EPC2: variants seen among roughly 807,000 people sequenced by gnomAD.
EPC2 encodes the protein enhancer of polycomb homolog 2.
In EPC2, 14 loss-of-function variants were observed where a neutral mutation model predicts 92.1. The observed-to-expected ratio is 0.15, with a 90% CI of 0.10 to 0.24. The LOEUF is 0.24. EPC2 is among the 10% of genes least tolerant of loss of function. The probability of loss-of-function intolerance (pLI) is 1.00; values close to 1 mark genes in which losing one functional copy is unlikely to be tolerated. For synonymous variants in EPC2, 340 were observed against 334.7 expected, an observed-to-expected ratio of 1.02 and a Z score of -0.17; for missense variants, 755 against 971.5, an observed-to-expected ratio of 0.78 and a Z score of 2.96.
Position 148,743,695 on chromosome 2 carries a change from C to G in EPC2, c.387C>G (p.Asn129Lys), listed in dbSNP as rs746682439. 6.2e-7 allele frequency: 1 copy of G among 1,605,184 alleles called. No homozygotes were observed. The highest frequency in any genetic ancestry group is 8.5e-7 in the Non-Finnish European group (1 of 1,176,166). ...ATGAGACTTTATTAAATAGACTTAA[C>G]AGAAAGATGGAAATTAAGCCTTTGC... is the stretch of plus-strand genomic sequence containing the variant. ...SEDETLLNRL[N>K]RKMEIKPLQF... Residue 129 changes from asparagine (N) to lysine (K), a missense_variant, in exon 3 of 14, where the codon AAC becomes AAG. Around this residue, in one of 4 missense-constraint regions of EPC2, gnomAD observed 509 missense variants for 607.7 expected, o/e 0.84. Transcript: ENST00000258484.
intron 2 of EPC2, among the ~76,000 whole-genome samples, chr2:148,741,845 C>A (rs1212436809): frequency 1.3e-5 from 2 of 152,020 alleles, no homozygotes; most frequent in Non-Finnish European, 2.9e-5. Context: ...ATCTGTGAAC[C>A]CCTCCTTTTG....
At chr2:148,727,566 G>T (rs1019754179) in intron 2 of EPC2, among the ~76,000 whole-genome samples, 2 of 152,082 alleles carry the variant, frequency 1.3e-5, no homozygotes, top group African/African-American at 4.8e-5. Context: ...GTTCTTAGTG[G>T]AATTTCTTTT....
At chr2:148,781,301 CAA>C (rs1683742590) in intron 10 of EPC2, among the ~76,000 whole-genome samples, 1 of 152,086 alleles carries the variant, frequency 6.6e-6, no homozygotes, top group Admixed American at 6.6e-5. Flanking sequence ...ATGAATAAAT[CAA>C]AGTTTTTTTC....
chr2:148,736,712 C>T (rs1164423804), intron 2 of EPC2, among the ~76,000 whole-genome samples: 1 of 151,618 alleles, frequency 6.6e-6, no homozygotes, highest in Non-Finnish European at 1.5e-5. Context: ...TTTTTAATAT[C>T]AGTTCTTAAG....
At position 148,682,070 on chromosome 2, in the gene EPC2, C is replaced by T. The variant is rs1400608460; in HGVS notation, c.154-8144C>T. On this transcript the variant is annotated intron_variant, in intron 1 of 13. Transcript: ENST00000258484. ...ATGAACTCATCCTTTTTTATGGCTGCGTAGTATTCTGTGGTGTATATGTGC... is the reference window on the plus strand; with the variant it reads ...ATGAACTCATCCTTTTTTATGGCTGTGTAGTATTCTGTGGTGTATATGTGC... Among the ~76,000 whole-genome samples, 17 of 152,276 alleles carry T rather than the reference C, an allele frequency of 1.1e-4. No homozygotes were observed. In the South Asian group the frequency reaches 2.7e-3, roughly 24 times the overall value.
intron 1 of EPC2, among the ~76,000 whole-genome samples, chr2:148,670,277 A>C (rs968233043): frequency 2.0e-5 from 3 of 150,754 alleles, no homozygotes; most frequent in Non-Finnish European, 4.4e-5. Context: ...TTGTTTTATT[A>C]CTTTGTCGGG....
chr2:148,683,869 C>T (rs1208774774), intron 1 of EPC2, among the ~76,000 whole-genome samples: 1 of 152,096 alleles, frequency 6.6e-6, no homozygotes, highest in Admixed American at 6.5e-5. Flanking sequence ...ATTTCTTTTC[C>T]TTTGGGTAGT....
chr2:148,749,506 T>C (rs1683047443), intron 3 of EPC2, among the ~76,000 whole-genome samples: 1 of 152,032 alleles, frequency 6.6e-6, no homozygotes, highest in Admixed American at 6.6e-5. Context: ...CATGCAGCAT[T>C]TTAATTGTTT....
intron 2 of EPC2, among the ~76,000 whole-genome samples, chr2:148,716,501 A>G (rs982718199): frequency 1.3e-5 from 2 of 151,924 alleles, no homozygotes; most frequent in Non-Finnish European, 2.9e-5. Flanking sequence ...TTTTGTCTTT[A>G]GTTCTGTTTA....
At chr2:148,647,139 C>G (rs1683820369) in intron 1 of EPC2, among the ~76,000 whole-genome samples, 1 of 152,048 alleles carries the variant, frequency 6.6e-6, no homozygotes, top group Non-Finnish European at 1.5e-5. Context: ...GAAATCTGTT[C>G]TAGAGTGAAC....
chr2:148,735,718 A>G (rs1042924242), intron 2 of EPC2, among the ~76,000 whole-genome samples: 2 of 152,032 alleles, frequency 1.3e-5, no homozygotes, highest in Non-Finnish European at 2.9e-5. Flanking sequence ...TAGTAATACT[A>G]TTAATATGTA....
chr2:148,677,024 C>T (rs1681281187), intron 1 of EPC2, among the ~76,000 whole-genome samples: 1 of 152,108 alleles, frequency 6.6e-6, no homozygotes, highest in Non-Finnish European at 1.5e-5. Flanking sequence ...AACAATGTAA[C>T]AAGGAATTGA....
intron 1 of EPC2, among the ~76,000 whole-genome samples, chr2:148,652,087 C>G (rs572183059): frequency 2.6e-5 from 4 of 152,214 alleles, no homozygotes; most frequent in Non-Finnish European, 5.9e-5. Flanking sequence ...ATTCCAGATT[C>G]TTGAGATAGA....
intron 1 of EPC2, among the ~76,000 whole-genome samples, chr2:148,684,502 G>T (rs777968720): frequency 2.0e-5 from 3 of 152,174 alleles, no homozygotes; most frequent in Non-Finnish European, 2.9e-5. Flanking sequence ...TTTGTATAAG[G>T]TGAAAGCTGA....
At chr2:148,649,978 G>A (rs1328735128) in intron 1 of EPC2, among the ~76,000 whole-genome samples, 1 of 152,074 alleles carries the variant, frequency 6.6e-6, no homozygotes, top group African/African-American at 2.4e-5. Flanking sequence ...AGCAGTTTGT[G>A]AACTTTGCTT....
chr2:148,660,330 C>T (rs1680906466), intron 1 of EPC2, among the ~76,000 whole-genome samples: 1 of 152,102 alleles, frequency 6.6e-6, no homozygotes, highest in Non-Finnish European at 1.5e-5. Flanking sequence ...TAGCCTGAGA[C>T]ATGGGCGTTG....
At chr2:148,754,348 A>T (rs1015010236) in intron 4 of EPC2, among the ~76,000 whole-genome samples, 2 of 152,168 alleles carry the variant, frequency 1.3e-5, no homozygotes, top group African/African-American at 4.8e-5. Flanking sequence ...AGTAGCTTCT[A>T]TTGGCCAGTT....
At chr2:148,712,097 C>T (rs1682155471) in intron 2 of EPC2, among the ~76,000 whole-genome samples, 1 of 152,084 alleles carries the variant, frequency 6.6e-6, no homozygotes, top group Admixed American at 6.6e-5. Context: ...TTAATATCTA[C>T]CATATCTGTT....
At position 148,771,328 on chromosome 2, in the gene EPC2, A is replaced by C; in HGVS notation, c.1661A>C (p.Asn554Thr). 1 of 1,612,340 alleles carries C rather than the reference A, an allele frequency of 6.2e-7. No homozygotes were observed. The highest frequency in any genetic ancestry group is 8.5e-7 in the Non-Finnish European group (1 of 1,179,498). ...AGAAAACCAGGGCAGACTGTGAACA[A>C]TAAAAGAGTTTCTGCAGCATCTGTA... ...TSRKPGQTVNNKRVSAASVAL... is the reference protein window; with the variant it reads ...TSRKPGQTVNTKRVSAASVAL... Residue 554 changes from asparagine to threonine, a missense_variant, in exon 10 of 14, where the codon AAT becomes ACT. Physicochemically the swap from Asn to Thr is moderately conservative, Grantham distance 65. Around this residue, in one of 4 missense-constraint regions of EPC2, gnomAD observed 509 missense variants for 607.7 expected, o/e 0.84. Coordinates refer to ENST00000258484, the MANE Select transcript of EPC2 (RefSeq NM_015630.4).
Sources: allele counts gnomAD v4.1 joint callset (sites outside exome capture counted in the v4.1 genomes callset), GRCh38; gene constraint gnomAD v4.1.1; regional missense constraint gnomAD v4.1.1; transcripts MANE v1.5; gene names NCBI Gene and HGNC (gene_info 2026-07-23, HGNC 2026-07-21).